The following KCNK2 variants were observed in gnomAD, a reference collection of about 807,000 sequenced individuals.
KCNK2 encodes the protein potassium two pore domain channel subfamily K member 2, also known as potassium channel subfamily K member 2.
Under a neutral mutation model 40.5 loss-of-function variants are expected in KCNK2, and 21 were observed. The ratio of observed to expected loss-of-function variants is 0.52; its 90% confidence interval spans 0.37 to 0.75. KCNK2 has a LOEUF of 0.75. Ranked by LOEUF, KCNK2 falls within the 30% of genes least tolerant of loss-of-function variation. KCNK2 has a pLI of 0.00. For synonymous variants in KCNK2, 191 were observed against 202.2 expected, an observed-to-expected ratio of 0.94 and a Z score of 0.47; for missense variants, 399 against 531.6, an observed-to-expected ratio of 0.75 and a Z score of 2.45.
intron 1 of KCNK2, among the ~76,000 whole-genome samples, chr1:215,047,221 G>A (rs1657808885): frequency 6.6e-6 from 1 of 151,946 alleles, no homozygotes; most frequent in Non-Finnish European, 1.5e-5. Flanking sequence ...AATAATAGTG[G>A]GTTTTGGACA....
intron 2 of KCNK2, among the ~76,000 whole-genome samples, chr1:215,113,681 C>G (rs1008176401): frequency 1.3e-5 from 2 of 152,186 alleles, no homozygotes; most frequent in Admixed American, 6.5e-5. Context: ...CTGCAACCTC[C>G]TCCTCCCAGG....
At chr1:215,211,490 A>G (rs1007179934) in intron 6 of KCNK2, among the ~76,000 whole-genome samples, 6 of 152,096 alleles carry the variant, frequency 3.9e-5, no homozygotes, top group African/African-American at 1.4e-4. Flanking sequence ...TTTTCATCAT[A>G]TTCACCAACG....
chr1:215,185,986 T>A (rs1247238501), intron 5 of KCNK2, among the ~76,000 whole-genome samples: 1 of 152,218 alleles, frequency 6.6e-6, no homozygotes, highest in South Asian at 2.1e-4. Flanking sequence ...TTGTAATAGA[T>A]CTGTATTTCT....
chr1:215,088,327 C>G (rs1205645302), intron 2 of KCNK2, among the ~76,000 whole-genome samples: 1 of 152,148 alleles, frequency 6.6e-6, no homozygotes, highest in Non-Finnish European at 1.5e-5. Flanking sequence ...GAAGTGTCAT[C>G]TTAAACAAGT....
intron 2 of KCNK2, among the ~76,000 whole-genome samples, chr1:215,087,567 G>A (rs1041495655): frequency 2.0e-5 from 3 of 152,156 alleles, no homozygotes; most frequent in African/African-American, 7.2e-5. Flanking sequence ...CACAAGGAGT[G>A]ACTTGACTGG....
At chr1:215,211,007 T>C (rs1484442918) in intron 6 of KCNK2, among the ~76,000 whole-genome samples, 1 of 152,156 alleles carries the variant, frequency 6.6e-6, no homozygotes, top group Non-Finnish European at 1.5e-5. Context: ...CCTCCTAGCT[T>C]TCACCTTTGC....
chr1:215,019,654 G>A (rs941301972), intron 1 of KCNK2, among the ~76,000 whole-genome samples: 3 of 152,186 alleles, frequency 2.0e-5, no homozygotes, highest in Non-Finnish European at 4.4e-5. Context: ...ATTAGAGGGA[G>A]AGAATAGACA....
chr1:215,222,518 T>G (rs1026497426), intron 6 of KCNK2, among the ~76,000 whole-genome samples: 1 of 152,198 alleles, frequency 6.6e-6, no homozygotes, highest in Non-Finnish European at 1.5e-5. Flanking sequence ...TTATTTTTCT[T>G]GACATTGTCT....
At chr1:215,177,382 G>A (rs965690853) in intron 5 of KCNK2, among the ~76,000 whole-genome samples, 1 of 151,908 alleles carries the variant, frequency 6.6e-6, no homozygotes, top group African/African-American at 2.4e-5. Context: ...GTCAATTTTT[G>A]TTTTAGTTGA....
intron 1 of KCNK2, among the ~76,000 whole-genome samples, chr1:215,038,198 C>G (rs772430404): frequency 6.6e-6 from 1 of 152,034 alleles, no homozygotes; most frequent in Non-Finnish European, 1.5e-5. Context: ...ACTCACCAGT[C>G]CCCTCCAGGG....
chr1:215,112,597 C>A (rs1413474991), intron 2 of KCNK2, among the ~76,000 whole-genome samples: 1 of 152,134 alleles, frequency 6.6e-6, no homozygotes, highest in Non-Finnish European at 1.5e-5. Flanking sequence ...CACATTCACT[C>A]ACCACTCACT....
chr1:215,122,815 G>A (rs1357462833), intron 2 of KCNK2, among the ~76,000 whole-genome samples: 1 of 138,380 alleles, frequency 7.2e-6, no homozygotes, highest in South Asian at 2.2e-4. Flanking sequence ...GCACAATCTC[G>A]GCTCACTGCA....
chr1:215,172,254 A>G, intron 5 of KCNK2, 71 bp downstream of exon 5: 1 of 1,359,280 alleles, frequency 7.4e-7, no homozygotes, highest in South Asian at 1.4e-5. Flanking sequence ...ACTTAGGTTT[A>G]TAACGAAACA....
chr1:215,230,533 G>GCCATA (rs1558150327), intron 6 of KCNK2, among the ~76,000 whole-genome samples: 8 of 62,534 alleles, frequency 1.3e-4, no homozygotes, highest in African/African-American at 1.8e-4. Context: ...ATATATATAT[G>GCCATA]TATATATATA....
At chr1:215,103,477 G>A (rs1660306785) in intron 2 of KCNK2, among the ~76,000 whole-genome samples, 1 of 151,962 alleles carries the variant, frequency 6.6e-6, no homozygotes, top group South Asian at 2.1e-4. Flanking sequence ...AAATGACTAT[G>A]TAATTATTTT....
Position 215,235,311 on chromosome 1 carries a change from C to G in KCNK2, c.*166C>G, listed in dbSNP as rs545774358. 1.7e-6 allele frequency: 1 copy of G among 571,976 alleles called. No homozygotes were observed. The highest frequency in any genetic ancestry group is 3.1e-5 in the Admixed American group (1 of 31,830). The allele number at this position is 571,976 out of a possible 1,614,324, so 35.4% of individuals were successfully genotyped here. On this transcript the variant is annotated 3_prime_UTR_variant, in exon 7 of 7. Coordinates refer to ENST00000444842, the MANE Select transcript of KCNK2 (RefSeq NM_001017425.3). ...CATCAAGAGAATTTGGAATTCTGAG[C>G]CAGCACTTTCTTTCTGATGATGCTT...
intron 6 of KCNK2, among the ~76,000 whole-genome samples, chr1:215,201,452 A>G (rs1264245341): frequency 6.6e-6 from 1 of 152,144 alleles, no homozygotes; most frequent in East Asian, 1.9e-4. Context: ...CACAATTTCA[A>G]AGGGCAACAG....
At chr1:215,144,002 C>T (rs1298387751) in intron 3 of KCNK2, among the ~76,000 whole-genome samples, 1 of 152,084 alleles carries the variant, frequency 6.6e-6, no homozygotes, top group East Asian at 1.9e-4. Context: ...TGATGTGTCT[C>T]CCAACACTTT....
intron 6 of KCNK2, among the ~76,000 whole-genome samples, chr1:215,214,630 A>G (rs1665884023): frequency 6.6e-6 from 1 of 152,080 alleles, no homozygotes; most frequent in Non-Finnish European, 1.5e-5. Context: ...GTTCAGGACC[A>G]GCCTGGGCAA....
Sources: gnomAD v4.1 joint callset for allele counts (sites outside exome capture counted in the v4.1 genomes callset) on GRCh38, gnomAD v4.1.1 for gene constraint, MANE v1.5 for transcripts, NCBI Gene and HGNC (gene_info 2026-07-23, HGNC 2026-07-21) for gene names.